GRID1: variants seen among roughly 807,000 people sequenced by gnomAD.
The protein encoded by GRID1 is glutamate ionotropic receptor delta type subunit 1.
GRID1 carries 28 observed loss-of-function variants against 98.0 expected under a neutral mutation model. That is an observed-to-expected ratio of 0.29 (90% CI 0.21 to 0.39). GRID1 has a LOEUF of 0.39. Among genes scored for constraint, GRID1 ranks in the 10% least tolerant of loss-of-function variants. The probability of loss-of-function intolerance (pLI) is 1.00; values close to 1 mark genes in which losing one functional copy is unlikely to be tolerated. For missense variants in GRID1, 1,111 were observed against 1,340.5 expected (o/e 0.83, Z 2.67); for synonymous variants, 553 against 538.5 (o/e 1.03, Z -0.37).
At chr10:85,934,606 C>T (rs1489983493) in intron 4 of GRID1, among the ~76,000 whole-genome samples, 2 of 152,220 alleles carry the variant, frequency 1.3e-5, no homozygotes, top group Non-Finnish European at 2.9e-5. Flanking sequence ...CCACTTTACA[C>T]ATCACTTTCA....
intron 3 of GRID1, among the ~76,000 whole-genome samples, chr10:86,152,809 G>A (rs1052906013): frequency 1.3e-5 from 2 of 152,218 alleles, no homozygotes; most frequent in Non-Finnish European, 2.9e-5. Flanking sequence ...ATCCTCTCCA[G>A]TGCGGCTGCC....
intron 3 of GRID1, among the ~76,000 whole-genome samples, chr10:86,145,492 G>A (rs1845075140): frequency 6.6e-6 from 1 of 151,526 alleles, no homozygotes; most frequent in African/African-American, 2.4e-5. Context: ...CTCAAACCAT[G>A]TACCTTGGGA....
intron 3 of GRID1, among the ~76,000 whole-genome samples, chr10:86,162,246 G>T (rs763931560): frequency 6.6e-6 from 1 of 152,168 alleles, no homozygotes; most frequent in African/African-American, 2.4e-5. Flanking sequence ...AAAGGGAAGA[G>T]GGTGCAGCCA....
intron 2 of GRID1, among the ~76,000 whole-genome samples, chr10:86,305,933 A>G (rs1422291805): frequency 6.6e-6 from 1 of 152,258 alleles, no homozygotes; most frequent in Middle Eastern, 3.2e-3. Context: ...AGACCTTGAT[A>G]CAAGACATTT....
At chr10:86,198,898 T>A (rs1845911671) in intron 3 of GRID1, among the ~76,000 whole-genome samples, 1 of 151,564 alleles carries the variant, frequency 6.6e-6, no homozygotes, top group African/African-American at 2.4e-5. Context: ...TATAGACCAC[T>A]TACCATGTGC....
chr10:86,245,943 C>T lies in GRID1; in HGVS notation c.236-39295G>A, dbSNP rs568195537. ...GCTGCAGCAGCCAGCCTCCCTGAGG[C>T]AGATGTCAAGAGTGTGCACGCATAC... On this transcript the variant is annotated intron_variant, in intron 2 of 15. Transcript: ENST00000327946. Among the ~76,000 whole-genome samples the T allele has an allele frequency of 1.5e-3, 235 of 152,252 alleles. 1 individual carries two copies. The highest frequency in any genetic ancestry group is 1.1e-3 in the Non-Finnish European group (76 of 68,048).
chr10:86,135,616 A>G (rs943494637), intron 4 of GRID1, among the ~76,000 whole-genome samples: 12 of 152,074 alleles, frequency 7.9e-5, no homozygotes, highest in Admixed American at 3.3e-4. Context: ...GTGGGGCCTG[A>G]CACACAAGCC....
intron 8 of GRID1, among the ~76,000 whole-genome samples, chr10:85,748,693 TC>T (rs2132683287): frequency 6.6e-6 from 1 of 152,286 alleles, no homozygotes; most frequent in Admixed American, 6.5e-5. Flanking sequence ...AATGCTCTAA[TC>T]GCTTTGAAAT....
At chr10:86,093,063 T>C (rs1233520358) in intron 4 of GRID1, among the ~76,000 whole-genome samples, 1 of 152,136 alleles carries the variant, frequency 6.6e-6, no homozygotes, top group Non-Finnish European at 1.5e-5. Context: ...AAACTGGAAA[T>C]AAACTCCAAA....
intron 10 of GRID1, among the ~76,000 whole-genome samples, chr10:85,726,347 G>T (rs1590206403): frequency 6.6e-6 from 1 of 152,234 alleles, no homozygotes; most frequent in East Asian, 1.9e-4. Flanking sequence ...CAAAGGACAA[G>T]TTAAAAGATT....
intron 12 of GRID1, among the ~76,000 whole-genome samples, chr10:85,672,353 G>A (rs1053154153): frequency 3.9e-5 from 6 of 152,170 alleles, no homozygotes; most frequent in Admixed American, 1.3e-4. Context: ...CTGTGGCCAG[G>A]CCGGAGTGCA....
chr10:86,110,909 G>T (rs953804944), intron 4 of GRID1, among the ~76,000 whole-genome samples: 5 of 152,240 alleles, frequency 3.3e-5, no homozygotes, highest in African/African-American at 9.6e-5. Flanking sequence ...GCACAGATTT[G>T]CTGGATGTGG....
intron 2 of GRID1, among the ~76,000 whole-genome samples, chr10:86,222,161 G>C (rs1385359540): frequency 2.0e-5 from 3 of 152,208 alleles, no homozygotes; most frequent in Admixed American, 6.5e-5. Context: ...GCCTAGAGGG[G>C]GGGCCACCCA....
intron 4 of GRID1, among the ~76,000 whole-genome samples, chr10:86,052,043 T>C (rs1014062066): frequency 6.6e-6 from 1 of 152,216 alleles, no homozygotes; most frequent in Non-Finnish European, 1.5e-5. Context: ...AATCTAAATG[T>C]TATCATTAGG....
At chr10:86,257,524 C>T (rs1478722488) in intron 2 of GRID1, among the ~76,000 whole-genome samples, 1 of 152,142 alleles carries the variant, frequency 6.6e-6, no homozygotes, top group East Asian at 1.9e-4. Context: ...ATGCAACTAC[C>T]TTTAAGCTTA....
chr10:85,697,154 T>A (rs1395662912), intron 12 of GRID1, among the ~76,000 whole-genome samples: 1 of 152,166 alleles, frequency 6.6e-6, no homozygotes, highest in Non-Finnish European at 1.5e-5. Flanking sequence ...CTGAGGGTAT[T>A]GTACAGATTT....
At chr10:86,345,523 T>C (rs920137868) in intron 2 of GRID1, among the ~76,000 whole-genome samples, 3 of 152,184 alleles carry the variant, frequency 2.0e-5, no homozygotes, top group South Asian at 4.1e-4. Context: ...CTCAGCCATG[T>C]AGAAGTCCTG....
At chr10:85,863,697 C>T (rs1246050039) in intron 6 of GRID1, among the ~76,000 whole-genome samples, 1 of 152,202 alleles carries the variant, frequency 6.6e-6, no homozygotes, top group Non-Finnish European at 1.5e-5. Context: ...AAGACCTCTG[C>T]CCCTATCAGT....
intron 3 of GRID1, among the ~76,000 whole-genome samples, chr10:86,172,058 T>C (rs1326558881): frequency 1.3e-5 from 2 of 152,276 alleles, no homozygotes; most frequent in East Asian, 1.9e-4. Flanking sequence ...AATGGCTTAT[T>C]ATATTCAGAC....
Sources: allele counts gnomAD v4.1 joint callset (sites outside exome capture counted in the v4.1 genomes callset), GRCh38; gene constraint gnomAD v4.1.1; transcripts MANE v1.5; gene names NCBI Gene and HGNC (gene_info 2026-07-23, HGNC 2026-07-21).